The following PTPRZ1 variants were observed in gnomAD, a reference collection of about 807,000 sequenced individuals.
PTPRZ1 encodes the protein protein tyrosine phosphatase receptor type Z1.
PTPRZ1 carries 82 observed loss-of-function variants against 214.1 expected under a neutral mutation model. The ratio of observed to expected loss-of-function variants is 0.38; its 90% confidence interval spans 0.32 to 0.46. The LOEUF (loss-of-function observed/expected upper bound fraction) is 0.46, where lower values mean the gene tolerates loss of function less well. Ranked by LOEUF, PTPRZ1 falls within the 20% of genes least tolerant of loss-of-function variation. The pLI is 1.00. For synonymous variants in PTPRZ1, 945 were observed against 987.9 expected, an observed-to-expected ratio of 0.96 and a Z score of 0.81; for missense variants, 2,603 against 2,748.7, an observed-to-expected ratio of 0.95 and a Z score of 1.19.
At chr7:122,037,568 G>C (rs985587163) in intron 18 of PTPRZ1, among the ~76,000 whole-genome samples, 1 of 152,154 alleles carries the variant, frequency 6.6e-6, no homozygotes, top group African/African-American at 2.4e-5. Context: ...ACTTCCCTAA[G>C]ATGCACCTCT....
chr7:122,016,980 C>T (rs932028526), intron 12 of PTPRZ1, among the ~76,000 whole-genome samples: 11 of 152,006 alleles, frequency 7.2e-5, no homozygotes, highest in Admixed American at 2.6e-4. Context: ...ATGGTTTGAG[C>T]GAAGCCTAAA....
rs1357017968 is a variant in PTPRZ1, at chr7:122,038,781, T to C, written c.5394T>C (p.Ile1798=). The C allele has an allele frequency of 3.7e-6, 6 of 1,613,714 alleles. No homozygotes were observed. Among genetic ancestry groups the C allele is most frequent in the Middle Eastern group, 1.6e-4 (1 of 6,080 alleles). The change falls in exon 19 of 30, where the codon ATT becomes ATC. Residue 1798 remains isoleucine (I), a synonymous_variant. Coordinates refer to ENST00000393386, the MANE Select transcript of PTPRZ1 (RefSeq NM_002851.3). ...VDGYNRPKAY[I]AAQGPLKSTA... is the part of the protein sequence containing the mutation. ...GCTACAACAGACCAAAAGCTTATAT[T>C]GCTGCCCAAGGCCCACTGAAATCCA...
At chr7:121,965,247 G>C (rs1797010179) in intron 2 of PTPRZ1, among the ~76,000 whole-genome samples, 2 of 152,124 alleles carry the variant, frequency 1.3e-5, no homozygotes, top group South Asian at 4.2e-4. Flanking sequence ...CTGAAATTAA[G>C]GTGTCTCATT....
Position 122,011,732 on chromosome 7 carries a change from T to C in PTPRZ1, c.2686T>C (p.Ser896Pro), listed in dbSNP as rs1244523090. The C allele has an allele frequency of 6.2e-7, 1 of 1,614,198 alleles. No homozygotes were observed. Among genetic ancestry groups the C allele is most frequent in the East Asian group, 2.2e-5 (1 of 44,878 alleles). The change falls in exon 12 of 30, where the codon TCT becomes CCT. Residue 896 changes from serine to proline, a missense_variant. By Grantham distance (74) the Ser-to-Pro change is moderately conservative (BLOSUM62 -1). Coordinates refer to ENST00000393386, the MANE Select transcript of PTPRZ1 (RefSeq NM_002851.3). ...ASETLEFGSE[S>P]GVLYKTLMFS... ...AGAGACGCTGGAATTTGGTAGTGAATCTGGTGTTCTTTATAAAACGCTTAT... is the reference window on the plus strand; with the variant it reads ...AGAGACGCTGGAATTTGGTAGTGAACCTGGTGTTCTTTATAAAACGCTTAT...
At chr7:122,030,890 G>A (rs529731333) in intron 14 of PTPRZ1, among the ~76,000 whole-genome samples, 1 of 151,904 alleles carries the variant, frequency 6.6e-6, no homozygotes, top group Non-Finnish European at 1.5e-5. Flanking sequence ...TAGAATTCTT[G>A]AAATTTTACA....
At chr7:122,057,283 G>A (rs59001471) in intron 27 of PTPRZ1, among the ~76,000 whole-genome samples, 16,171 of 151,808 alleles carry the variant, frequency 0.11, 999 homozygotes, top group East Asian at 0.23. Context: ...CAGTGCTTGT[G>A]CTGGGAATGA....
rs1798744695 is a variant in PTPRZ1, at chr7:122,013,456, T to A, written c.4410T>A (p.Asn1470Lys). 6.2e-7 allele frequency: 1 copy of A among 1,614,032 alleles called. No individual in the cohort carries two copies. The highest frequency in any genetic ancestry group is 1.3e-5 in the African/African-American group (1 of 74,936). The part of the protein sequence containing the change: ...DTHENSLMDQ[N>K]NPISYSLSEN... ...ACGAAAACAGTCTTATGGATCAGAA[T>A]AATCCAATCTCATACTCACTATCTG... Residue 1470 changes from asparagine to lysine, a missense_variant, in exon 12 of 30, where the codon AAT becomes AAA. Transcript: ENST00000393386.
rs372914777 is a variant in PTPRZ1, at chr7:121,873,474, G to C, written c.-26G>C. ...ACTCTGAGAAGCAGAGGAGCCGCAC[G>C]GCGAGGGGCCGCAGACCGTCTGGAA... On this transcript the variant is annotated 5_prime_UTR_variant, in exon 1 of 30. Transcript: ENST00000393386. 201 of 1,613,084 alleles carry C rather than the reference G, an allele frequency of 1.2e-4. No homozygotes were observed. The highest frequency in any genetic ancestry group is 1.3e-4 in the Non-Finnish European group (148 of 1,179,894).
chr7:122,035,396 A>G (rs1470336499), intron 17 of PTPRZ1, among the ~76,000 whole-genome samples: 1 of 152,214 alleles, frequency 6.6e-6, no homozygotes, highest in Non-Finnish European at 1.5e-5. Context: ...TTCTTGAGAT[A>G]AAATTATTAG....
At chr7:122,004,311 C>G (rs1798414469) in intron 10 of PTPRZ1, among the ~76,000 whole-genome samples, 1 of 152,072 alleles carries the variant, frequency 6.6e-6, no homozygotes, top group Admixed American at 6.6e-5. Context: ...GTTTCACTGA[C>G]CTCCTCTCCG....
intron 2 of PTPRZ1, among the ~76,000 whole-genome samples, chr7:121,963,357 T>C (rs1219483298): frequency 6.6e-6 from 1 of 152,180 alleles, no homozygotes; most frequent in Non-Finnish European, 1.5e-5. Flanking sequence ...TAGGGAGTTT[T>C]AGGTGGGGAC....
intron 1 of PTPRZ1, among the ~76,000 whole-genome samples, chr7:121,911,047 A>G (rs774444684): frequency 5.7e-4 from 87 of 152,200 alleles, no homozygotes; most frequent in Admixed American, 3.1e-3. Flanking sequence ...AAGCTTTTGT[A>G]GAGTTTTCCT....
chr7:122,036,710 T>C lies in PTPRZ1; in HGVS notation c.5367+28T>C, dbSNP rs776521484. ...AAGCATGTTTTAATTGAAAATTTTA[T>C]AGAAATCATATTAGACTGAATTATT... On this transcript the variant is annotated intron_variant, in intron 18 of 29. Transcript: ENST00000393386. 2.7e-6 allele frequency: 4 copies of C among 1,463,628 alleles called. No homozygotes were observed. The South Asian group carries it at 3.4e-5, about 13-fold the overall frequency. The allele number at this position is 1,463,628 out of a possible 1,614,324, so 90.7% of individuals were successfully genotyped here. A position where few individuals can be genotyped will look rare whatever the true frequency, so the allele number is the denominator to read the frequency against.
intron 2 of PTPRZ1, among the ~76,000 whole-genome samples, chr7:121,952,145 A>C (rs1445693212): frequency 6.6e-6 from 1 of 151,940 alleles, no homozygotes; most frequent in East Asian, 1.9e-4. Context: ...TTTTTAGTAG[A>C]GACAGGGTTT....
chr7:121,896,968 G>A (rs1794803885), intron 1 of PTPRZ1, among the ~76,000 whole-genome samples: 1 of 152,032 alleles, frequency 6.6e-6, no homozygotes, highest in Non-Finnish European at 1.5e-5. Context: ...TTGGCAATTT[G>A]CCTTAATCTC....
chr7:122,027,608 A>G (rs1344260627), intron 13 of PTPRZ1, among the ~76,000 whole-genome samples: 2 of 152,200 alleles, frequency 1.3e-5, no homozygotes, highest in Non-Finnish European at 2.9e-5. Context: ...ACTCATGAAT[A>G]TTGCTCCAAA....
In PTPRZ1 at chr7:121,879,359, G is replaced by A. The variant is rs534639800; in HGVS notation, c.58+5802G>A. ...CTGGTGTTGGGGAGGAGAGGGCAAT[G>A]AGGGATGCAGGATGGTCAGTAATGA... On this transcript the variant is annotated intron_variant, in intron 1 of 29. Coordinates refer to ENST00000393386, the MANE Select transcript of PTPRZ1 (RefSeq NM_002851.3). Among the ~76,000 whole-genome samples, 176 of 152,296 alleles carry A rather than the reference G, an allele frequency of 1.2e-3. 4 individuals carry two copies. The South Asian group carries it at 0.035, about 30-fold the overall frequency.
intron 1 of PTPRZ1, among the ~76,000 whole-genome samples, chr7:121,907,592 AT>A (rs1216143951): frequency 6.6e-5 from 10 of 152,020 alleles, no homozygotes; most frequent in Admixed American, 6.6e-5. Context: ...TGATTAGAAA[AT>A]ATCCTCAATT....
At chr7:121,947,004 G>A (rs1257005592) in intron 2 of PTPRZ1, among the ~76,000 whole-genome samples, 1 of 152,098 alleles carries the variant, frequency 6.6e-6, no homozygotes, top group East Asian at 1.9e-4. Flanking sequence ...TTACTGAATG[G>A]AAACTTATTC....
Sources: gnomAD v4.1 joint callset for allele counts (sites outside exome capture counted in the v4.1 genomes callset) on GRCh38, gnomAD v4.1.1 for gene constraint, MANE v1.5 for transcripts, NCBI Gene and HGNC (gene_info 2026-07-23, HGNC 2026-07-21) for gene names.